The following RBAK variants were observed in gnomAD, a reference collection of about 807,000 sequenced individuals.
RBAK encodes the protein RB-associated KRAB zinc finger protein.
A neutral mutation model predicts 65.8 loss-of-function variants in RBAK; 39 were observed. The observed-to-expected ratio is 0.59, with a 90% CI of 0.46 to 0.77. RBAK has a LOEUF of 0.77. Ranked by LOEUF, RBAK falls within the 30% of genes least tolerant of loss-of-function variation. The pLI, the probability that RBAK is intolerant of heterozygous loss-of-function variation, is 0.00. For synonymous variants in RBAK, 343 were observed against 289.7 expected, an observed-to-expected ratio of 1.18 and a Z score of -1.87; for missense variants, 884 against 855.1, an observed-to-expected ratio of 1.03 and a Z score of -0.42.
chr7:5,062,854 G>C (rs1235612948), intron 4 of RBAK, among the ~76,000 whole-genome samples: 1 of 152,148 alleles, frequency 6.6e-6, no homozygotes, highest in Admixed American at 6.5e-5. Context: ...AGAGAAATAT[G>C]GCTCTGTTCC....
In RBAK at chr7:5,052,979, C is replaced by G. The variant is rs566040500; in HGVS notation, c.16-4316C>G. Among the ~76,000 whole-genome samples, 61 of 152,270 alleles carry G rather than the reference C, an allele frequency of 4.0e-4. 1 individual carries two copies. The South Asian group carries it at 0.013, about 32-fold the overall frequency. On this transcript the variant is annotated intron_variant, in intron 2 of 4. Transcript: ENST00000396912. ...TTCACCATGTTGGCCAGGCTGGTCT[C>G]AAACTCCTGACCTCAGGTGACCTGT...
chr7:5,057,822 G>T (rs757560433), intron 4 of RBAK, 43 bp downstream of exon 4: 2 of 1,608,038 alleles, frequency 1.2e-6, no homozygotes, highest in Non-Finnish European at 1.7e-6. Flanking sequence ...GCTCATCCCA[G>T]ACCTTTGGGA....
Position 5,068,567 on chromosome 7 carries a change from G to A in RBAK, c.*2966G>A, listed in dbSNP as rs1476010067. The A allele has an allele frequency of 6.6e-6, 1 of 152,214 alleles. No homozygotes were observed. Among genetic ancestry groups the A allele is most frequent in the South Asian group, 2.1e-4 (1 of 4,832 alleles). 9.4% of individuals were successfully genotyped at this position (152,214 alleles called of 1,614,324 possible). A position where few individuals can be genotyped will look rare whatever the true frequency, so the allele number is the denominator to read the frequency against. On this transcript the variant is annotated 3_prime_UTR_variant, in exon 5 of 5. Coordinates refer to ENST00000396912, the MANE Select transcript of RBAK (RefSeq NM_021163.4). ...TGGTTAAAATGAAAAGCATGAAAAA[G>A]CATCACGTTTTGGCAAGGATGTAAG...
chr7:5,062,618 C>T (rs556453325), intron 4 of RBAK, among the ~76,000 whole-genome samples: 2 of 152,250 alleles, frequency 1.3e-5, no homozygotes, highest in South Asian at 2.1e-4. Context: ...CGAGAGCAAC[C>T]GGTCTGACCA....
intron 2 of RBAK, among the ~76,000 whole-genome samples, chr7:5,049,053 A>G (rs1583451818): frequency 6.6e-6 from 1 of 152,242 alleles, no homozygotes; most frequent in Admixed American, 6.5e-5. Context: ...ATCACCATCC[A>G]TGACATCATT....
chr7:5,058,125 T>TCA (rs1778974226), intron 4 of RBAK, among the ~76,000 whole-genome samples: 1 of 152,288 alleles, frequency 6.6e-6, no homozygotes, highest in African/African-American at 2.4e-5. Flanking sequence ...CCCAAGCTGG[T>TCA]GTGCAGTGGT....
rs780088006 is a variant in RBAK, at chr7:5,065,056, A to G, written c.1600A>G (p.Lys534Glu). ...CTTCGATGGGCACCAGCCACTTCCA[A>G]AAGGGGAGAAATCCTATGAATGTAA... ...SAFDGHQPLP[K>E]GEKSYECNVC... Residue 534 changes from lysine (K) to glutamate (E), a missense_variant, in exon 5 of 5, where the codon AAA (lysine) becomes GAA (glutamate). Physicochemically the swap from Lys to Glu is moderately conservative, Grantham distance 56. Transcript: ENST00000396912. The surrounding 1 kb of genome is among the most constrained non-coding windows in gnomAD (Gnocchi z 5.3). The G allele has an allele frequency of 5.6e-6, 9 of 1,613,698 alleles. No individual in the cohort carries two copies. The African/African-American group carries it at 6.7e-5, about 12-fold the overall frequency.
At chr7:5,058,532 C>T (rs1337069054) in intron 4 of RBAK, among the ~76,000 whole-genome samples, 1 of 152,198 alleles carries the variant, frequency 6.6e-6, no homozygotes, top group African/African-American at 2.4e-5. Context: ...TTTAGGCATT[C>T]AGATACCAAA....
In RBAK at chr7:5,048,124, A is replaced by G. The variant is rs763353427; in HGVS notation, c.15+33A>G. 2.5e-6 allele frequency: 4 copies of G among 1,579,470 alleles called. No homozygotes were observed. Among genetic ancestry groups the G allele is most frequent in the Middle Eastern group, 2.3e-4 (1 of 4,258 alleles). On this transcript the variant is annotated intron_variant, in intron 2 of 4. Transcript: ENST00000396912. The surrounding 1 kb of genome is among the most constrained non-coding windows in gnomAD (Gnocchi z 4.4). ...TTCATGCTTGTGTATATGTTCCTCAACTTTATTTTATGATGCATTTTAAGA... is the reference window on the plus strand; with the variant it reads ...TTCATGCTTGTGTATATGTTCCTCAGCTTTATTTTATGATGCATTTTAAGA...
At chr7:5,062,589 T>TTA (rs1277553627) in intron 4 of RBAK, among the ~76,000 whole-genome samples, 1 of 152,190 alleles carries the variant, frequency 6.6e-6, no homozygotes, top group African/African-American at 2.4e-5. Context: ...TGATAACATC[T>TTA]TATCAGGAGA....
chr7:5,064,469 C>T lies in RBAK; in HGVS notation c.1013C>T (p.Thr338Ile), dbSNP rs868418077. Residue 338 changes from threonine to isoleucine, a missense_variant, in exon 5 of 5, where the codon ACT becomes ATT. Transcript: ENST00000396912. This position sits in a 1 kb window ranked among gnomAD's most constrained non-coding sequence, Gnocchi z 6.3. The part of the protein sequence containing the change: ...QKLHLTQHLR[T>I]HSGEKPYECS... ...TTACACCTCACTCAACACCTAAGAA[C>T]TCATTCAGGAGAGAAACCCTACGAA... 2 of 1,614,056 alleles carry T rather than the reference C, an allele frequency of 1.2e-6. No individual in the cohort carries two copies. The highest frequency in any genetic ancestry group is 8.5e-7 in the Non-Finnish European group (1 of 1,179,978).
In RBAK at chr7:5,068,254, T is replaced by TA. The variant is rs898251984; in HGVS notation, c.*2663dup. On this transcript the variant is annotated 3_prime_UTR_variant, in exon 5 of 5. Coordinates refer to ENST00000396912, the MANE Select transcript of RBAK (RefSeq NM_021163.4). ...GTGAAAGCATCCATACACCATGCAT[T>TA]AAAAAAAAAATGAGCATGGCTGCTT... 5.9e-4 allele frequency: 88 copies of TA among 149,472 alleles called. No individual in the cohort carries two copies. Among genetic ancestry groups the TA allele is most frequent in the South Asian group, 3.2e-3 (15 of 4,748 alleles). 9.3% of individuals were successfully genotyped at this position (149,472 alleles called of 1,614,324 possible). A position where few individuals can be genotyped will look rare whatever the true frequency, so the allele number is the denominator to read the frequency against.
In RBAK at chr7:5,064,322, A is replaced by T; in HGVS notation, c.866A>T (p.Tyr289Phe). The T allele has an allele frequency of 4.3e-6, 7 of 1,614,190 alleles. No homozygotes were observed. The highest frequency in any genetic ancestry group is 5.9e-6 in the Non-Finnish European group (7 of 1,180,018). Residue 289 changes from tyrosine to phenylalanine, a missense_variant, in exon 5 of 5, where the codon TAT becomes TTT. Physicochemically the swap from Tyr to Phe is conservative, Grantham distance 22. Transcript: ENST00000396912. This position sits in a 1 kb window ranked among gnomAD's most constrained non-coding sequence, Gnocchi z 6.3. ...AGGGCTCACACAGGAGAGAAACCTT[A>T]TGAATGTAATGTATGTGGGAAATCC... Reference protein sequence around the residue: ...HQRAHTGEKPYECNVCGKSFS... With the variant: ...HQRAHTGEKPFECNVCGKSFS...
At chr7:5,056,339 A>G (rs1384481635) in intron 2 of RBAK, among the ~76,000 whole-genome samples, 1 of 151,698 alleles carries the variant, frequency 6.6e-6, no homozygotes, top group African/African-American at 2.4e-5. Context: ...GCTGGTCTCG[A>G]ACTCCTGAGC....
intron 1 of RBAK, among the ~76,000 whole-genome samples, chr7:5,047,578 C>T (rs73332927): frequency 0.039 from 5,759 of 149,362 alleles, 412 homozygotes; most frequent in African/African-American, 0.13. Flanking sequence ...GTGCATGCTT[C>T]GCCTATCACT....
At chr7:5,055,885 C>G (rs1788217984) in intron 2 of RBAK, among the ~76,000 whole-genome samples, 1 of 152,070 alleles carries the variant, frequency 6.6e-6, no homozygotes, top group Admixed American at 6.5e-5. Flanking sequence ...CCTGCCTCTG[C>G]TATCTCTTGG....
At chr7:5,049,661 C>T (rs1788072043) in intron 2 of RBAK, among the ~76,000 whole-genome samples, 1 of 152,028 alleles carries the variant, frequency 6.6e-6, no homozygotes, top group African/African-American at 2.4e-5. Flanking sequence ...TAAAAAGATT[C>T]GTCTGTAAGT....
chr7:5,057,622 G>A (rs1469050649), intron 3 of RBAK, 62 bp from the exon 4 acceptor site: 1 of 1,607,100 alleles, frequency 6.2e-7, no homozygotes, highest in East Asian at 2.2e-5. Context: ...GCAACATCTT[G>A]TACTTCAGAG....
In RBAK at chr7:5,067,236, G is replaced by C. The variant is rs1049402777; in HGVS notation, c.*1635G>C. 6.6e-6 allele frequency: 1 copy of C among 152,086 alleles called. No individual in the cohort carries two copies. Among genetic ancestry groups the C allele is most frequent in the Non-Finnish European group, 1.5e-5 (1 of 67,982 alleles). 9.4% of individuals were successfully genotyped at this position (152,086 alleles called of 1,614,324 possible). A position where few individuals can be genotyped will look rare whatever the true frequency, so the allele number is the denominator to read the frequency against. ...AGAGAAACAAAAGGCATAGAGATTAGAAAAGAAGTAAAACTTTAAAAACGA... is the reference window on the plus strand; with the variant it reads ...AGAGAAACAAAAGGCATAGAGATTACAAAAGAAGTAAAACTTTAAAAACGA... On this transcript the variant is annotated 3_prime_UTR_variant, in exon 5 of 5. Transcript: ENST00000396912.
Sources: gnomAD v4.1 joint callset for allele counts (sites outside exome capture counted in the v4.1 genomes callset) on GRCh38, gnomAD v4.1.1 for gene constraint, Gnocchi (gnomAD v3.1) non-coding constraint, MANE v1.5 for transcripts, NCBI Gene and HGNC (gene_info 2026-07-23, HGNC 2026-07-21) for gene names.